Variants in CHRM1 observed in about 807,000 individuals in gnomAD.
The protein encoded by CHRM1 is cholinergic receptor muscarinic 1, also known as muscarinic acetylcholine receptor M1.
In CHRM1, 5 loss-of-function variants were observed where a neutral mutation model predicts 31.6. That is an observed-to-expected ratio of 0.16 (90% CI 0.08 to 0.33). The LOEUF (loss-of-function observed/expected upper bound fraction) is 0.33, where lower values mean the gene tolerates loss of function less well. CHRM1 is among the 10% of genes least tolerant of loss of function. The pLI, the probability that CHRM1 is intolerant of heterozygous loss-of-function variation, is 1.00. For missense variants in CHRM1, 338 were observed against 610.3 expected (o/e 0.55, Z 4.70); for synonymous variants, 227 against 249.7 (o/e 0.91, Z 0.86).
rs1158952680 is a variant in CHRM1 at position 62,910,216 on chromosome 11, C to T, written c.885G>A (p.Glu295=). The T allele has an allele frequency of 1.2e-6, 2 of 1,607,672 alleles. No homozygotes were observed. The highest frequency in any genetic ancestry group is 3.4e-5 in the Admixed American group (2 of 59,070). The change falls in exon 2 of 2, where the codon GAG becomes GAA. Residue 295 remains glutamate, a synonymous_variant. Coordinates refer to ENST00000306960, the MANE Select transcript of CHRM1 (RefSeq NM_000738.3). The surrounding 1 kb of genome is among the most constrained non-coding windows in gnomAD (Gnocchi z 8.7). ...MESLTSSEGE[E]PGSEVVIKMP... ...TCTTGATCACCACTTCGGAGCCAGG[C>T]TCCTCTCCCTCTGAGGATGTGAGGG... is the stretch of plus-strand genomic sequence containing the variant.
chr11:62,916,630 G>A (rs920646908), intron 1 of CHRM1, among the ~76,000 whole-genome samples: 8 of 152,210 alleles, frequency 5.3e-5, no homozygotes, highest in Admixed American at 2.6e-4. Flanking sequence ...TGGATGGCAG[G>A]CACTTAATAT....
rs768496909 is a variant in CHRM1, at chr11:62,910,464, G to A, written c.637C>T (p.Arg213Trp). The A allele has an allele frequency of 2.5e-6, 4 of 1,614,028 alleles. No homozygotes were observed. The highest frequency in any genetic ancestry group is 3.4e-6 in the Non-Finnish European group (4 of 1,180,030). ...TCCCGTGCTCGGTTCTCTGTCTCCC[G>A]GTAGATGCGCCAGTAGAGCGTGCAC... ...VMCTLYWRIY[R>W]ETENRARELA... Residue 213 changes from arginine to tryptophan, a missense_variant, in exon 2 of 2, where the codon CGG becomes TGG. Transcript: ENST00000306960. This position sits in a 1 kb window ranked among gnomAD's most constrained non-coding sequence, Gnocchi z 8.7.
At chr11:62,914,805 TTGC>T (rs2085891805) in intron 1 of CHRM1, among the ~76,000 whole-genome samples, 1 of 151,688 alleles carries the variant, frequency 6.6e-6, no homozygotes, top group African/African-American at 2.4e-5. Flanking sequence ...CAAGAGGAGG[TTGC>T]TAGCCTGAGA....
rs1421686762 is a variant in CHRM1, at chr11:62,921,245, T to G, written c.-106A>C. 3 of 151,956 alleles carry G rather than the reference T, an allele frequency of 2.0e-5. No homozygotes were observed. Among genetic ancestry groups the G allele is most frequent in the African/African-American group, 7.3e-5 (3 of 41,334 alleles). 9.4% of individuals were successfully genotyped at this position (151,956 alleles called of 1,614,324 possible). A position where few individuals can be genotyped will look rare whatever the true frequency, so the allele number is the denominator to read the frequency against. On this transcript the variant is annotated 5_prime_UTR_variant, in exon 1 of 2. Transcript: ENST00000306960. Reference sequence around the variant, plus strand: ...CGGGGCTGAAGAGGGGTCTGTAGGGTCCTCAGCCCCACTGCCTCCCTGGGG... The same window carrying G: ...CGGGGCTGAAGAGGGGTCTGTAGGGGCCTCAGCCCCACTGCCTCCCTGGGG...
chr11:62,920,526 C>G (rs1226011857), intron 1 of CHRM1: 1 of 152,176 alleles, frequency 6.6e-6, no homozygotes, highest in Admixed American at 6.5e-5. Context: ...GCCCAAGATA[C>G]TAGAAACATA....
intron 1 of CHRM1, among the ~76,000 whole-genome samples, chr11:62,915,174 CAAAAAAAAAAAAAAAAAA>C (rs34590771): frequency 4.4e-5 from 1 of 22,724 alleles, no homozygotes; most frequent in African/African-American, 2.0e-4. Context: ...GACCCTGTCT[CAAAAAAAAAAAAAAAAAA>C]AAAAAAAAAA....
At position 62,910,016 on chromosome 11, in the gene CHRM1, T is replaced by G. The variant is rs1321351860; in HGVS notation, c.1085A>C (p.Lys362Thr). ...GATGGCACTCAGGGTCCGAGCCGCC[T>G]TCTTCTCCTTGACCAGCGAGAAGGT... Reference protein sequence around the residue: ...RKTFSLVKEKKAARTLSAILL... With the variant: ...RKTFSLVKEKTAARTLSAILL... The change falls in exon 2 of 2, where the codon AAG (lysine) becomes ACG (threonine). Residue 362 changes from lysine (K) to threonine (T), a missense_variant. This residue lies in a region of CHRM1 where 183 missense variants were observed against 223.4 expected (regional missense o/e 0.82). Transcript: ENST00000306960. This position sits in a 1 kb window ranked among gnomAD's most constrained non-coding sequence, Gnocchi z 8.7. 1.9e-6 allele frequency: 3 copies of G among 1,613,956 alleles called. No individual in the cohort carries two copies. Among genetic ancestry groups the G allele is most frequent in the South Asian group, 1.1e-5 (1 of 91,074 alleles).
At chr11:62,918,441 T>G (rs1304641959) in intron 1 of CHRM1, 2 of 152,188 alleles carry the variant, frequency 1.3e-5, no homozygotes, top group East Asian at 3.9e-4. Context: ...CAGAGCATGG[T>G]CCAGAGGCCC....
chr11:62,915,514 TA>T (rs1412355832), intron 1 of CHRM1, among the ~76,000 whole-genome samples: 3 of 152,324 alleles, frequency 2.0e-5, no homozygotes, highest in African/African-American at 7.2e-5. Flanking sequence ...CTATTTGATT[TA>T]AAAAAATATT....
intron 1 of CHRM1, among the ~76,000 whole-genome samples, chr11:62,918,698 T>A (rs2085914059): frequency 6.6e-6 from 1 of 152,182 alleles, no homozygotes; most frequent in Non-Finnish European, 1.5e-5. Flanking sequence ...GGTTAAGGGA[T>A]GAGGTCAGAG....
intron 1 of CHRM1, among the ~76,000 whole-genome samples, chr11:62,913,393 C>T (rs1171782604): frequency 2.0e-5 from 3 of 152,090 alleles, no homozygotes; most frequent in African/African-American, 4.8e-5. Flanking sequence ...ACCTCTTGGC[C>T]GGGTGCGGTG....
At chr11:62,918,914 AGGGGATGCTGG>A (rs2085915870) in intron 1 of CHRM1, among the ~76,000 whole-genome samples, 1 of 151,902 alleles carries the variant, frequency 6.6e-6, no homozygotes, top group African/African-American at 2.4e-5. Context: ...GGAGGGAATG[AGGGGATGCTGG>A]GGAAGATATT....
chr11:62,910,494 C>A lies in CHRM1; in HGVS notation c.607G>T (p.Val203Phe). 6.2e-7 allele frequency: 1 copy of A among 1,614,184 alleles called. No individual in the cohort carries two copies. Residue 203 changes from valine (V) to phenylalanine (F), a missense_variant, in exon 2 of 2, where the codon GTC (valine) becomes TTC (phenylalanine). Val to Phe is a conservative substitution (Grantham distance 50, BLOSUM62 -1). Around this residue, in one of 4 missense-constraint regions of CHRM1, gnomAD observed 183 missense variants for 223.4 expected, o/e 0.82. Coordinates refer to ENST00000306960, the MANE Select transcript of CHRM1 (RefSeq NM_000738.3). The surrounding 1 kb of genome is among the most constrained non-coding windows in gnomAD (Gnocchi z 8.7). The part of the protein sequence containing the change: ...AMAAFYLPVT[V>F]MCTLYWRIYR... ...ATGCGCCAGTAGAGCGTGCACATGA[C>A]TGTGACAGGGAGGTAGAAGGCAGCC...
chr11:62,913,832 G>C (rs1380792335), intron 1 of CHRM1, among the ~76,000 whole-genome samples: 1 of 152,056 alleles, frequency 6.6e-6, no homozygotes, highest in African/African-American at 2.4e-5. Flanking sequence ...CTAGGATCAA[G>C]GGATGGCTGT....
chr11:62,919,230 C>T (rs1272365503), intron 1 of CHRM1, among the ~76,000 whole-genome samples: 1 of 152,170 alleles, frequency 6.6e-6, no homozygotes, highest in Non-Finnish European at 1.5e-5. Flanking sequence ...AAAACTTCCA[C>T]CCCTGATGTC....
In CHRM1 at chr11:62,910,702, G is replaced by A; in HGVS notation, c.399C>T (p.Tyr133=). ...RYFSVTRPLS[Y]RAKRTPRRAA... ...CCCGGCGGGGTGTGCGCTTGGCACG[G>A]TAGCTCAGGGGCCGAGTCACGGAGA... The change falls in exon 2 of 2, where the codon TAC becomes TAT. Residue 133 remains tyrosine (Y), a synonymous_variant. Transcript: ENST00000306960. This position sits in a 1 kb window ranked among gnomAD's most constrained non-coding sequence, Gnocchi z 8.7. 6.2e-7 allele frequency: 1 copy of A among 1,614,178 alleles called. No individual in the cohort carries two copies. The highest frequency in any genetic ancestry group is 8.5e-7 in the Non-Finnish European group (1 of 1,180,030).
At chr11:62,916,056 T>G (rs1463866704) in intron 1 of CHRM1, among the ~76,000 whole-genome samples, 1 of 152,120 alleles carries the variant, frequency 6.6e-6, no homozygotes, top group African/African-American at 2.4e-5. Context: ...GTGATCCACC[T>G]GCCTCGGCCT....
Position 62,910,660 on chromosome 11 carries a change from G to A in CHRM1, c.441C>T (p.Gly147=), listed in dbSNP as rs539642013. The A allele has an allele frequency of 3.7e-6, 6 of 1,614,182 alleles. No homozygotes were observed. In the African/African-American group the frequency reaches 6.7e-5, roughly 18 times the overall value. ...RTPRRAALMI[G]LAWLVSFVLW... is the part of the protein sequence containing the mutation. ...GCACAAAGGAAACCAGCCAGGCCAG[G>A]CCGATCATCAGAGCTGCCCGGCGGG... The change falls in exon 2 of 2, where the codon GGC becomes GGT. Residue 147 remains glycine (G), a synonymous_variant. Coordinates refer to ENST00000306960, the MANE Select transcript of CHRM1 (RefSeq NM_000738.3). The surrounding 1 kb of genome is among the most constrained non-coding windows in gnomAD (Gnocchi z 8.7).
intron 1 of CHRM1, among the ~76,000 whole-genome samples, chr11:62,913,241 T>TCAC (rs1468760474): frequency 6.6e-6 from 1 of 152,206 alleles, no homozygotes; most frequent in Admixed American, 6.5e-5. Context: ...AGCAAGACTG[T>TCAC]CACCTCTTTT....
Sources: allele counts gnomAD v4.1 joint callset (sites outside exome capture counted in the v4.1 genomes callset), GRCh38; gene constraint gnomAD v4.1.1; regional missense constraint gnomAD v4.1.1; non-coding constraint Gnocchi (gnomAD v3.1); transcripts MANE v1.5; gene names NCBI Gene and HGNC (gene_info 2026-07-23, HGNC 2026-07-21).